ZFYVE1: variants seen among roughly 807,000 people sequenced by gnomAD.
The protein encoded by ZFYVE1 is zinc finger FYVE-type containing 1, also known as zinc finger FYVE domain-containing protein 1.
Under a neutral mutation model 74.4 loss-of-function variants are expected in ZFYVE1, and 30 were observed. That is an observed-to-expected ratio of 0.40 (90% CI 0.30 to 0.55). ZFYVE1 has a LOEUF of 0.55. Ranked by LOEUF, ZFYVE1 falls within the 20% of genes least tolerant of loss-of-function variation. The pLI is 0.42. For synonymous variants in ZFYVE1, 335 were observed against 385.1 expected (o/e 0.87, Z 1.52); for missense variants, 703 against 1,011.6 (o/e 0.69, Z 4.14).
chr14:72,970,027 C>A lies in ZFYVE1; in HGVS notation c.*855G>T. 2.4e-6 allele frequency: 1 copy of A among 408,520 alleles called. No individual in the cohort carries two copies. The highest frequency in any genetic ancestry group is 4.4e-6 in the Non-Finnish European group (1 of 229,056). The allele number at this position is 408,520 out of a possible 1,614,324, so 25.3% of individuals were successfully genotyped here. A position where few individuals can be genotyped will look rare whatever the true frequency, so the allele number is the denominator to read the frequency against. Reference sequence around the variant, plus strand: ...AAGCAGATGGTGGGCTTGAGGGGGCCGAGGGGTGGGAGGCAGATGCTTCGA... The same window carrying A: ...AAGCAGATGGTGGGCTTGAGGGGGCAGAGGGGTGGGAGGCAGATGCTTCGA... On this transcript the variant is annotated 3_prime_UTR_variant, in exon 12 of 12. Coordinates refer to ENST00000556143, the MANE Select transcript of ZFYVE1 (RefSeq NM_021260.4).
intron 2 of ZFYVE1, among the ~76,000 whole-genome samples, chr14:73,007,982 T>C (rs762710408): frequency 2.6e-5 from 4 of 152,278 alleles, no homozygotes; most frequent in Admixed American, 6.5e-5. Context: ...CTGAGCACAT[T>C]TGGCAGGGGC....
intron 4 of ZFYVE1, among the ~76,000 whole-genome samples, chr14:72,982,757 T>A (rs944260174): frequency 3.3e-5 from 5 of 152,116 alleles, no homozygotes; most frequent in Non-Finnish European, 7.4e-5. Context: ...AAGGACAATA[T>A]GTTACTTCCT....
At chr14:72,980,713 G>T (rs923679265) in intron 5 of ZFYVE1, among the ~76,000 whole-genome samples, 1 of 151,934 alleles carries the variant, frequency 6.6e-6, no homozygotes, top group African/African-American at 2.4e-5. Flanking sequence ...GACTACAGGC[G>T]CCGGCCACCG....
intron 4 of ZFYVE1, among the ~76,000 whole-genome samples, chr14:72,992,197 C>T (rs1893628817): frequency 6.6e-6 from 1 of 152,176 alleles, no homozygotes; most frequent in South Asian, 2.1e-4. Context: ...GCGTGAGCCA[C>T]CACGCCTGGC....
chr14:72,989,604 A>T (rs1184418627), intron 4 of ZFYVE1, among the ~76,000 whole-genome samples: 1 of 152,202 alleles, frequency 6.6e-6, no homozygotes, highest in Non-Finnish European at 1.5e-5. Context: ...TATAACTGAC[A>T]GTATGTATCA....
chr14:72,980,377 A>T (rs1467015832), intron 5 of ZFYVE1, among the ~76,000 whole-genome samples: 1 of 152,138 alleles, frequency 6.6e-6, no homozygotes, highest in Non-Finnish European at 1.5e-5. Flanking sequence ...TCTACAGGAC[A>T]TGGAGGCTGC....
At chr14:73,002,996 C>A in intron 2 of ZFYVE1, among the ~76,000 whole-genome samples, 1 of 151,216 alleles carries the variant, frequency 6.6e-6, no homozygotes, top group East Asian at 1.9e-4. Context: ...CCCGCCTCGG[C>A]CTCCCAAAGC....
At chr14:73,011,902 A>G (rs1430377773) in intron 2 of ZFYVE1, among the ~76,000 whole-genome samples, 1 of 151,802 alleles carries the variant, frequency 6.6e-6, no homozygotes, top group Non-Finnish European at 1.5e-5. Context: ...AATGCATAAG[A>G]AAACATTCAA....
chr14:72,993,390 T>C, intron 3 of ZFYVE1, 33 bp from the exon 4 acceptor site: 2 of 1,530,218 alleles, frequency 1.3e-6, no homozygotes, highest in African/African-American at 1.4e-5. Flanking sequence ...ACATGGGTAG[T>C]GAGTGACATT....
In ZFYVE1 at chr14:72,974,788, C is replaced by A. The variant is rs753471508; in HGVS notation, c.1978G>T (p.Val660Phe). 6.3e-7 allele frequency: 1 copy of A among 1,597,854 alleles called. No homozygotes were observed. The highest frequency in any genetic ancestry group is 1.3e-5 in the African/African-American group (1 of 74,592). ...CCAGGTCCCACGTTACCTAACTGGA[C>A]GTTCCTGGCTTCGTAGCAGTTGTCA... Reference protein sequence around the residue: ...VCDNCYEARNVQLAVTEAQVD... With the variant: ...VCDNCYEARNFQLAVTEAQVD... The change falls in exon 10 of 12, where the codon GTC becomes TTC. Residue 660 changes from valine (V) to phenylalanine (F), a missense_variant. This residue lies in a region of ZFYVE1 where 492 missense variants were observed against 790.0 expected (regional missense o/e 0.62). Transcript: ENST00000556143.
At chr14:73,013,834 T>C (rs549009330) in intron 2 of ZFYVE1, among the ~76,000 whole-genome samples, 95 of 152,246 alleles carry the variant, frequency 6.2e-4, no homozygotes, top group Non-Finnish European at 1.1e-3. Context: ...TTAGCAGTTC[T>C]AACCTCAGAT....
At position 72,969,666 on chromosome 14, in the gene ZFYVE1, C is replaced by T. The variant is rs1158042729; in HGVS notation, c.*1216G>A. 7 of 699,336 alleles carry T rather than the reference C, an allele frequency of 1.0e-5. No individual in the cohort carries two copies. The highest frequency in any genetic ancestry group is 6.1e-5 in the Admixed American group (3 of 48,924). 43.3% of individuals were successfully genotyped at this position (699,336 alleles called of 1,614,324 possible). On this transcript the variant is annotated 3_prime_UTR_variant, in exon 12 of 12. Coordinates refer to ENST00000556143, the MANE Select transcript of ZFYVE1 (RefSeq NM_021260.4). ...TTCAGTTAAGAATTATACTTTAATT[C>T]GTGTTTGGCCACTGAAGATCAAATC...
chr14:72,978,148 A>G lies in ZFYVE1; in HGVS notation c.1506T>C (p.Tyr502=), dbSNP rs373744292. The change falls in exon 7 of 12, where the codon TAT becomes TAC. Residue 502 remains tyrosine (Y), a synonymous_variant. Transcript: ENST00000556143. The part of the protein sequence containing the change: ...TDSPWMGLAK[Y]AWSGYVIECP... ...TTGTTTAAACTCACCCAGACCAGGC[A>G]TATTTTGCGAGACCCATCCAGGGGG... 5 of 1,614,200 alleles carry G rather than the reference A, an allele frequency of 3.1e-6. No individual in the cohort carries two copies. The highest frequency in any genetic ancestry group is 3.4e-6 in the Non-Finnish European group (4 of 1,180,038).
At chr14:72,983,346 C>G (rs1893389352) in intron 4 of ZFYVE1, among the ~76,000 whole-genome samples, 1 of 130,816 alleles carries the variant, frequency 7.6e-6, no homozygotes, top group African/African-American at 2.8e-5. Flanking sequence ...ATCCTTCCCC[C>G]CTCCCCCCCA....
chr14:73,016,748 C>T (rs1456866680), intron 2 of ZFYVE1, among the ~76,000 whole-genome samples: 1 of 151,802 alleles, frequency 6.6e-6, no homozygotes, highest in African/African-American at 2.4e-5. Flanking sequence ...GTGGCGGGCA[C>T]CTGTAATCCC....
At position 72,969,705 on chromosome 14, in the gene ZFYVE1, G is replaced by C; in HGVS notation, c.*1177C>G. 2.8e-6 allele frequency: 2 copies of C among 702,526 alleles called. No homozygotes were observed. Among genetic ancestry groups the C allele is most frequent in the Non-Finnish European group, 5.2e-6 (2 of 384,802 alleles). The allele number at this position is 702,526 out of a possible 1,614,324, so 43.5% of individuals were successfully genotyped here. ...GAAGATCAAATCCACCATGATGATA[G>C]GATTTCAGCACAACGGGCCCTTTCC... On this transcript the variant is annotated 3_prime_UTR_variant, in exon 12 of 12. Coordinates refer to ENST00000556143, the MANE Select transcript of ZFYVE1 (RefSeq NM_021260.4).
chr14:72,993,483 A>G, intron 3 of ZFYVE1, 126 bp from the exon 4 acceptor site: 1 of 745,198 alleles, frequency 1.3e-6, no homozygotes, highest in African/African-American at 1.8e-5. Flanking sequence ...TGGGTGGATC[A>G]CCCGAGGTCA....
chr14:73,011,352 T>C (rs1038602945), intron 2 of ZFYVE1, among the ~76,000 whole-genome samples: 5 of 151,746 alleles, frequency 3.3e-5, no homozygotes, highest in Non-Finnish European at 7.4e-5. Flanking sequence ...CCGGGAGTGG[T>C]GGCACATGCC....
At chr14:72,974,700 G>A (rs1893120273) in intron 10 of ZFYVE1, 79 bp downstream of exon 10, 6 of 1,502,756 alleles carry the variant, frequency 4.0e-6, no homozygotes, top group Middle Eastern at 5.1e-4. Flanking sequence ...TAGGGCATCT[G>A]GATATCCAGT....
Sources: gnomAD v4.1 joint callset for allele counts (sites outside exome capture counted in the v4.1 genomes callset) on GRCh38, gnomAD v4.1.1 for gene constraint, gnomAD v4.1.1 regional missense constraint, MANE v1.5 for transcripts, NCBI Gene and HGNC (gene_info 2026-07-23, HGNC 2026-07-21) for gene names.